Variants in NOTUM observed in about 807,000 individuals in gnomAD.
NOTUM encodes the protein notum, palmitoleoyl-protein carboxylesterase.
A neutral mutation model predicts 65.5 loss-of-function variants in NOTUM; 36 were observed. That is an observed-to-expected ratio of 0.55 (90% CI 0.42 to 0.73). NOTUM has a LOEUF of 0.73. NOTUM is among the 30% of genes least tolerant of loss of function. NOTUM has a pLI of 0.00. For missense variants in NOTUM, 659 were observed against 694.2 expected, an observed-to-expected ratio of 0.95 and a Z score of 0.57; for synonymous variants, 356 against 297.9, an observed-to-expected ratio of 1.20 and a Z score of -2.01.
In NOTUM at chr17:81,953,257, C is replaced by A. The variant is rs1352368189; in HGVS notation, c.1195G>T (p.Asp399Tyr). The change falls in exon 11 of 11, where the codon GAT becomes TAT. Residue 399 changes from aspartate to tyrosine, a missense_variant. Physicochemically the swap from Asp to Tyr is radical, Grantham distance 160. Transcript: ENST00000409678. The stretch of plus-strand genomic sequence containing the variant: ...AGCGACGTCCCCTTCACCTGGACAT[C>A]CGTCCAGTGGCTGCAGAGGAAAACC... ...HEIIIRSHWTDVQVKGTSLPR... is the reference protein window; with the variant it reads ...HEIIIRSHWTYVQVKGTSLPR... 1 of 1,605,604 alleles carries A rather than the reference C, an allele frequency of 6.2e-7. No homozygotes were observed. The highest frequency in any genetic ancestry group is 1.3e-5 in the African/African-American group (1 of 74,186).
At chr17:81,954,100 A>G (rs1234210645) in intron 10 of NOTUM, among the ~76,000 whole-genome samples, 156 bp downstream of exon 10, 1 of 152,178 alleles carries the variant, frequency 6.6e-6, no homozygotes, top group Non-Finnish European at 1.5e-5. Context: ...CTTGCCATAC[A>G]GCTGTTGGTA....
Position 81,959,546 on chromosome 17 carries a change from G to C in NOTUM, c.397C>G (p.Arg133Gly). ...TCGTATCTGGAGTCGCAGTTCTCGC[G>C]GTTGAAGCAGTACCAGCCGCCTGCG... is the stretch of plus-strand genomic sequence containing the variant. ...FLEGGWYCFN[R>G]ENCDSRYDTM... is the part of the protein sequence containing the mutation. Residue 133 changes from arginine (R) to glycine (G), a missense_variant, in exon 3 of 11, where the codon CGC (arginine) becomes GGC (glycine). By Grantham distance (125) the Arg-to-Gly change is moderately radical (BLOSUM62 -2). Coordinates refer to ENST00000409678, the MANE Select transcript of NOTUM (RefSeq NM_178493.6). 6.5e-7 allele frequency: 1 copy of C among 1,549,140 alleles called. No individual in the cohort carries two copies. The highest frequency in any genetic ancestry group is 8.7e-7 in the Non-Finnish European group (1 of 1,146,554).
intron 8 of NOTUM, among the ~76,000 whole-genome samples, chr17:81,955,778 T>C (rs1246719020): frequency 4.0e-5 from 2 of 50,098 alleles, no homozygotes; most frequent in Non-Finnish European, 7.5e-5. Flanking sequence ...CCCTGCAGTG[T>C]CCCCCACCCC....
chr17:81,955,856 C>G (rs1339823250), intron 8 of NOTUM, among the ~76,000 whole-genome samples: 1 of 146,000 alleles, frequency 6.8e-6, no homozygotes, highest in African/African-American at 2.6e-5. Context: ...CTCAGCACCC[C>G]CCAGGCCCCT....
At position 81,957,892 on chromosome 17, in the gene NOTUM, C is replaced by A. The variant is rs1298467147; in HGVS notation, c.609G>T (p.Met203Ile). 6.2e-7 allele frequency: 1 copy of A among 1,604,318 alleles called. No individual in the cohort carries two copies. Among genetic ancestry groups the A allele is most frequent in the Non-Finnish European group, 8.5e-7 (1 of 1,175,996 alleles). Residue 203 changes from methionine (M) to isoleucine (I), a missense_variant, in exon 6 of 11, where the codon ATG becomes ATT. Transcript: ENST00000409678. The part of the protein sequence containing the change: ...SKSEKNEYAF[M>I]GALIIQEVVR... ...CCACCTCCTGGATGATGAGGGCGCC[C>A]ATGAAGGCGTACTCGTCTGCAAGAG... is the stretch of plus-strand genomic sequence containing the variant.
chr17:81,956,697 T>C lies in NOTUM; in HGVS notation c.941A>G (p.Glu314Gly). ...ERCRRQFQEGEEWNCFFGYKV... is the reference protein window; with the variant it reads ...ERCRRQFQEGGEWNCFFGYKV... ...GTAGCCAAAGAAGCAGTTCCACTCCTCGCCCTCCTGGAACTGGCGTCGGCA... is the reference window on the plus strand; with the variant it reads ...GTAGCCAAAGAAGCAGTTCCACTCCCCGCCCTCCTGGAACTGGCGTCGGCA... The change falls in exon 8 of 11, where the codon GAG (glutamate) becomes GGG (glycine). Residue 314 changes from glutamate to glycine, a missense_variant. Physicochemically the swap from Glu to Gly is moderately conservative, Grantham distance 98 (BLOSUM62 -2). Coordinates refer to ENST00000409678, the MANE Select transcript of NOTUM (RefSeq NM_178493.6). 1 of 1,612,986 alleles carries C rather than the reference T, an allele frequency of 6.2e-7. No individual in the cohort carries two copies. The highest frequency in any genetic ancestry group is 1.1e-5 in the South Asian group (1 of 91,072).
At chr17:81,956,841 G>A (rs1330647520) in intron 7 of NOTUM, 42 bp downstream of exon 7, 1 of 1,597,350 alleles carries the variant, frequency 6.3e-7, no homozygotes, top group Non-Finnish European at 8.5e-7. Flanking sequence ...CCCTTCTGGG[G>A]CAAAGCTGCA....
At chr17:81,955,965 A>G (rs1217898749) in intron 8 of NOTUM, among the ~76,000 whole-genome samples, 1 of 151,630 alleles carries the variant, frequency 6.6e-6, no homozygotes, top group African/African-American at 2.4e-5. Context: ...GGCCCCCTGC[A>G]GTGCTGCTGA....
intron 6 of NOTUM, among the ~76,000 whole-genome samples, chr17:81,957,432 C>T (rs1030373040): frequency 6.6e-6 from 1 of 152,120 alleles, no homozygotes; most frequent in African/African-American, 2.4e-5. Context: ...TGTATGCCTG[C>T]TGGGATACAG....
Position 81,960,723 on chromosome 17 carries a change from T to C in NOTUM, c.187A>G (p.Met63Val). 6.2e-7 allele frequency: 1 copy of C among 1,603,668 alleles called. No homozygotes were observed. Among genetic ancestry groups the C allele is most frequent in the Non-Finnish European group, 8.5e-7 (1 of 1,175,882 alleles). The change falls in exon 1 of 11, where the codon ATG (methionine) becomes GTG (valine). Residue 63 changes from methionine to valine, a missense_variant. Physicochemically the swap from Met to Val is conservative, Grantham distance 21 (BLOSUM62 1). Transcript: ENST00000409678. This position sits in a 1 kb window ranked among gnomAD's most constrained non-coding sequence, Gnocchi z 6.4. ...PLDFTAVEGNMDSFMAQVKSL... is the reference protein window; with the variant it reads ...PLDFTAVEGNVDSFMAQVKSL... ...TTGACTTGCGCCATGAAGCTGTCCATGTTACCCTCCACGGCCGTGAAGTCC... is the reference window on the plus strand; with the variant it reads ...TTGACTTGCGCCATGAAGCTGTCCACGTTACCCTCCACGGCCGTGAAGTCC...
At chr17:81,954,928 T>C (rs917528219) in intron 9 of NOTUM, among the ~76,000 whole-genome samples, 4 of 96,826 alleles carry the variant, frequency 4.1e-5, no homozygotes, top group African/African-American at 2.1e-4. Context: ...AAGACCGATC[T>C]CGATCTCTCT....
intron 9 of NOTUM, among the ~76,000 whole-genome samples, chr17:81,954,960 CTCTCTCTCTT>C (rs2041419838): frequency 2.2e-5 from 1 of 46,224 alleles, no homozygotes; most frequent in Admixed American, 2.0e-4. Flanking sequence ...TCTCTCTCTC[CTCTCTCTCTT>C]TCTCTCTCTC....
intron 3 of NOTUM, 95 bp downstream of exon 3, chr17:81,959,376 G>T: frequency 1.0e-6 from 1 of 962,710 alleles, no homozygotes. Context: ...TGGGCATGAT[G>T]TGCGGGGTGG....
At chr17:81,953,937 C>T (rs150870977) in intron 10 of NOTUM, among the ~76,000 whole-genome samples, 32 of 152,150 alleles carry the variant, frequency 2.1e-4, no homozygotes, top group Non-Finnish European at 3.1e-4. Context: ...CCCGCCACCA[C>T]GCCCAGCTAA....
chr17:81,959,105 T>C, intron 3 of NOTUM, 110 bp from the exon 4 acceptor site: 1 of 926,642 alleles, frequency 1.1e-6, no homozygotes, highest in Non-Finnish European at 1.7e-6. Context: ...GGAAGGGAGG[T>C]GTGCTGGTGT....
intron 10 of NOTUM, among the ~76,000 whole-genome samples, chr17:81,953,910 T>G (rs891231200): frequency 2.0e-5 from 3 of 151,694 alleles, no homozygotes; most frequent in African/African-American, 7.3e-5. Flanking sequence ...GCCTCCGGAG[T>G]AGCTGGATTA....
intron 10 of NOTUM, among the ~76,000 whole-genome samples, 197 bp downstream of exon 10, chr17:81,954,059 T>C (rs2041409363): frequency 6.6e-6 from 1 of 152,202 alleles, no homozygotes; most frequent in Non-Finnish European, 1.5e-5. Context: ...ATTACAGGCG[T>C]GAGCCACCGC....
Position 81,960,438 on chromosome 17 carries a change from G to A in NOTUM, c.323+149C>T, listed in dbSNP as rs1355444141. On this transcript the variant is annotated intron_variant, in intron 1 of 10. Coordinates refer to ENST00000409678, the MANE Select transcript of NOTUM (RefSeq NM_178493.6). This position sits in a 1 kb window ranked among gnomAD's most constrained non-coding sequence, Gnocchi z 6.4. ...TCCGCTCCCCACGCGGAGAGTCACC[G>A]AACCGGGCACTCCTCGGGGCCAGGA... 1.9e-5 allele frequency: 10 copies of A among 527,854 alleles called. 1 individual carries two copies. Among genetic ancestry groups the A allele is most frequent in the Admixed American group, 1.9e-4 (5 of 26,912 alleles). The allele number at this position is 527,854 out of a possible 1,614,324, so 32.7% of individuals were successfully genotyped here. A position where few individuals can be genotyped will look rare whatever the true frequency, so the allele number is the denominator to read the frequency against.
At position 81,953,263 on chromosome 17, in the gene NOTUM, A is replaced by G; in HGVS notation, c.1189T>C (p.Trp397Arg). 1 of 1,599,600 alleles carries G rather than the reference A, an allele frequency of 6.3e-7. No homozygotes were observed. Among genetic ancestry groups the G allele is most frequent in the Non-Finnish European group, 8.5e-7 (1 of 1,174,460 alleles). Residue 397 changes from tryptophan to arginine, a missense_variant, in exon 11 of 11, where the codon TGG becomes CGG. Trp to Arg is a moderately radical substitution (Grantham distance 101). Coordinates refer to ENST00000409678, the MANE Select transcript of NOTUM (RefSeq NM_178493.6). ...GTCCCCTTCACCTGGACATCCGTCC[A>G]GTGGCTGCAGAGGAAAACCGGGGGA... ...LSHEIIIRSH[W>R]TDVQVKGTSL...
Sources: allele counts gnomAD v4.1 joint callset (sites outside exome capture counted in the v4.1 genomes callset), GRCh38; gene constraint gnomAD v4.1.1; non-coding constraint Gnocchi (gnomAD v3.1); transcripts MANE v1.5; gene names NCBI Gene and HGNC (gene_info 2026-07-23, HGNC 2026-07-21).